The following PITPNC1 variants were observed in gnomAD, a reference collection of about 807,000 sequenced individuals.
PITPNC1 encodes cytoplasmic phosphatidylinositol transfer protein 1.
Under a neutral mutation model 44.7 loss-of-function variants are expected in PITPNC1, and 18 were observed. That is an observed-to-expected ratio of 0.40 (90% confidence interval 0.28 to 0.60). The LOEUF (loss-of-function observed/expected upper bound fraction) is 0.60. Ranked by LOEUF, PITPNC1 falls within the 20% of genes least tolerant of loss-of-function variation. The probability of loss-of-function intolerance (pLI) is 0.39; values close to 1 mark genes in which losing one functional copy is unlikely to be tolerated. For missense variants in PITPNC1, 290 were observed against 418.4 expected, an observed-to-expected ratio of 0.69 and a Z score of 2.68; for synonymous variants, 141 against 149.6, an observed-to-expected ratio of 0.94 and a Z score of 0.42.
intron 1 of PITPNC1, among the ~76,000 whole-genome samples, chr17:67,443,617 C>A (rs1450337994): frequency 1.4e-5 from 2 of 144,222 alleles, no homozygotes; most frequent in South Asian, 4.3e-4. Flanking sequence ...GGACAATAGG[C>A]AGAGAGGACA....
intron 8 of PITPNC1, among the ~76,000 whole-genome samples, chr17:67,683,489 T>C (rs1282486272): frequency 3.3e-5 from 5 of 152,212 alleles, no homozygotes; most frequent in Non-Finnish European, 7.3e-5. Flanking sequence ...TACATCATGT[T>C]CATACACATT....
chr17:67,471,170 C>T lies in PITPNC1; in HGVS notation c.49-61632C>T, dbSNP rs544503877. The stretch of plus-strand genomic sequence containing the variant: ...TGTCCCATGACCCTGCCAAATCCCC[C>T]TCTGTGAGAAACACCCAAGAATTAT... On this transcript the variant is annotated intron_variant, in intron 1 of 8. Coordinates refer to ENST00000581322, the MANE Select transcript of PITPNC1 (RefSeq NM_012417.4). 7.4e-3 allele frequency among the ~76,000 whole-genome samples: 907 copies of T among 122,962 alleles called. 21 individuals are homozygous for T. Among genetic ancestry groups the T allele is most frequent in the African/African-American group, 0.027 (819 of 29,872 alleles). 80.7% of individuals were successfully genotyped at this position (122,962 alleles called of 152,430 possible).
chr17:67,428,479 G>A (rs1207896660), intron 1 of PITPNC1, among the ~76,000 whole-genome samples: 2 of 151,482 alleles, frequency 1.3e-5, no homozygotes, highest in Non-Finnish European at 2.9e-5. Flanking sequence ...GGATGAGGCT[G>A]CAGAAATCGC....
chr17:67,418,029 G>A (rs2038612692), intron 1 of PITPNC1, among the ~76,000 whole-genome samples: 1 of 152,142 alleles, frequency 6.6e-6, no homozygotes, highest in Non-Finnish European at 1.5e-5. Flanking sequence ...GACAGAGCAA[G>A]ACCCTGTCTG....
In PITPNC1 at chr17:67,692,738, C is replaced by G; in HGVS notation, c.849C>G (p.Asp283Glu). The G allele has an allele frequency of 6.2e-7, 1 of 1,613,878 alleles. No individual in the cohort carries two copies. The highest frequency in any genetic ancestry group is 1.7e-5 in the Admixed American group (1 of 60,000). Residue 283 changes from aspartate to glutamate, a missense_variant, in exon 9 of 9, where the codon GAC becomes GAG. Physicochemically the swap from Asp to Glu is conservative, Grantham distance 45. Coordinates refer to ENST00000581322, the MANE Select transcript of PITPNC1 (RefSeq NM_012417.4). ...CTCCATCCACCCCTCTCTCCACAGA[C>G]GCACCCGAATTTCTGTCCGTTCCCA... is the stretch of plus-strand genomic sequence containing the variant. ...SSAPSTPLST[D>E]APEFLSVPKD...
chr17:67,610,645 G>A (rs926846328), intron 5 of PITPNC1, among the ~76,000 whole-genome samples: 3 of 152,064 alleles, frequency 2.0e-5, no homozygotes, highest in South Asian at 2.1e-4. Flanking sequence ...AACATTAGCC[G>A]GGCGTGGTGG....
At chr17:67,664,508 T>C (rs1598954647) in intron 6 of PITPNC1, among the ~76,000 whole-genome samples, 1 of 152,228 alleles carries the variant, frequency 6.6e-6, no homozygotes, top group African/African-American at 2.4e-5. Context: ...TTCTGGCTGG[T>C]GTGAGATGGT....
At chr17:67,541,070 C>G (rs921757731) in intron 2 of PITPNC1, among the ~76,000 whole-genome samples, 1 of 152,114 alleles carries the variant, frequency 6.6e-6, no homozygotes, top group Non-Finnish European at 1.5e-5. Context: ...CAAAAATTCG[C>G]CAGGAGCGGT....
chr17:67,470,286 C>CAT (rs995137093), intron 1 of PITPNC1, among the ~76,000 whole-genome samples: 2 of 152,100 alleles, frequency 1.3e-5, no homozygotes, highest in Non-Finnish European at 2.9e-5. Context: ...TGAGTTTTAA[C>CAT]ATATATATAC....
In PITPNC1 at chr17:67,692,678, G is replaced by A; in HGVS notation, c.789G>A (p.Leu263=). The stretch of plus-strand genomic sequence containing the variant: ...CAATTTCTATCTCCAGCATCCCCCT[G>A]CTGCCTTCTTCCGTCCGCAGTGCGC... ...PPAISISSIP[L]LPSSVRSAPS... is the part of the protein sequence containing the mutation. Residue 263 remains leucine, a synonymous_variant, in exon 9 of 9, where the codon CTG becomes CTA. Coordinates refer to ENST00000581322, the MANE Select transcript of PITPNC1 (RefSeq NM_012417.4). 1.9e-6 allele frequency: 3 copies of A among 1,613,700 alleles called. No homozygotes were observed. Among genetic ancestry groups the A allele is most frequent in the Non-Finnish European group, 2.5e-6 (3 of 1,179,702 alleles).
At chr17:67,677,155 G>A (rs2144418298) in intron 8 of PITPNC1, among the ~76,000 whole-genome samples, 1 of 152,260 alleles carries the variant, frequency 6.6e-6, no homozygotes, top group East Asian at 1.9e-4. Context: ...CCCAAGAAAG[G>A]ATAAGAACTT....
At chr17:67,406,216 C>T (rs1175918507) in intron 1 of PITPNC1, among the ~76,000 whole-genome samples, 1 of 152,150 alleles carries the variant, frequency 6.6e-6, no homozygotes, top group South Asian at 2.1e-4. Flanking sequence ...GATCATCACG[C>T]ACTACAGCCT....
intron 1 of PITPNC1, among the ~76,000 whole-genome samples, chr17:67,446,634 G>A (rs1446604121): frequency 6.6e-6 from 1 of 151,600 alleles, no homozygotes; most frequent in Non-Finnish European, 1.5e-5. Context: ...GTTTGTAAAG[G>A]GAGGGTTGAC....
intron 4 of PITPNC1, among the ~76,000 whole-genome samples, chr17:67,564,345 C>T (rs889422487): frequency 7.9e-5 from 12 of 152,094 alleles, no homozygotes; most frequent in Non-Finnish European, 1.6e-4. Flanking sequence ...AGGGGAGCCG[C>T]GAGTGTAGGT....
intron 1 of PITPNC1, among the ~76,000 whole-genome samples, chr17:67,483,382 A>C (rs2039729556): frequency 6.6e-6 from 1 of 152,198 alleles, no homozygotes; most frequent in Non-Finnish European, 1.5e-5. Flanking sequence ...AAGAAGTTTT[A>C]ATTTGTTTTT....
At chr17:67,452,693 A>G (rs1029675571) in intron 1 of PITPNC1, among the ~76,000 whole-genome samples, 7 of 152,104 alleles carry the variant, frequency 4.6e-5, no homozygotes, top group South Asian at 2.1e-4. Flanking sequence ...GGGTTTCACC[A>G]TGTTGGCCAG....
intron 1 of PITPNC1, among the ~76,000 whole-genome samples, chr17:67,515,820 G>A (rs1057112874): frequency 6.6e-6 from 1 of 152,212 alleles, no homozygotes; most frequent in South Asian, 2.1e-4. Flanking sequence ...CAAATCCAAA[G>A]GCAGGGACGT....
chr17:67,434,706 A>T (rs185560759), intron 1 of PITPNC1, among the ~76,000 whole-genome samples: 8 of 151,610 alleles, frequency 5.3e-5, no homozygotes, highest in Admixed American at 5.3e-4. Flanking sequence ...CCAGCTACTC[A>T]GGAGGCTGAG....
At chr17:67,636,238 C>A (rs773002575) in intron 6 of PITPNC1, among the ~76,000 whole-genome samples, 1 of 144,608 alleles carries the variant, frequency 6.9e-6, no homozygotes, top group Non-Finnish European at 1.5e-5. Flanking sequence ...GCCGAGATTG[C>A]GCTACTGCAC....
Sources: allele counts gnomAD v4.1 joint callset (sites outside exome capture counted in the v4.1 genomes callset), GRCh38; gene constraint gnomAD v4.1.1; transcripts MANE v1.5; gene names NCBI Gene and HGNC (gene_info 2026-07-23, HGNC 2026-07-21).